The following PTPRD variants were observed in gnomAD, a reference collection of about 807,000 sequenced individuals.
PTPRD encodes receptor-type tyrosine-protein phosphatase delta.
PTPRD carries 34 observed loss-of-function variants against 214.5 expected under a neutral mutation model. That is an observed-to-expected ratio of 0.16 (90% CI 0.12 to 0.21). The LOEUF (loss-of-function observed/expected upper bound fraction) is 0.21. PTPRD is among the 10% of genes least tolerant of loss of function. The pLI is 1.00. For missense variants in PTPRD, 2,545 were observed against 2,398.7 expected, an observed-to-expected ratio of 1.06 and a Z score of -1.27; for synonymous variants, 1,128 against 845.7, an observed-to-expected ratio of 1.33 and a Z score of -5.79.
chr9:8,626,459 C>A (rs1023418311), intron 14 of PTPRD, among the ~76,000 whole-genome samples: 4 of 151,718 alleles, frequency 2.6e-5, no homozygotes, highest in Non-Finnish European at 4.4e-5. Flanking sequence ...TTGTTTATAC[C>A]CACCTGTAAT....
intron 3 of PTPRD, among the ~76,000 whole-genome samples, chr9:10,337,858 T>C (rs1461992789): frequency 1.3e-5 from 2 of 151,752 alleles, no homozygotes; most frequent in African/African-American, 4.8e-5. Context: ...TAACATTTTT[T>C]TCAGAATCCA....
At chr9:10,488,193 C>T (rs553052769) in intron 2 of PTPRD, among the ~76,000 whole-genome samples, 74 of 151,904 alleles carry the variant, frequency 4.9e-4, no homozygotes, top group Non-Finnish European at 8.8e-4. Flanking sequence ...CGATGAAACC[C>T]CATCTCTACT....
intron 5 of PTPRD, among the ~76,000 whole-genome samples, chr9:9,807,854 A>G (rs2045924084): frequency 6.6e-6 from 1 of 152,152 alleles, no homozygotes; most frequent in Non-Finnish European, 1.5e-5. Flanking sequence ...TCCAAAACAG[A>G]TGATTCTGAT....
chr9:8,698,315 G>A (rs974531027), intron 12 of PTPRD, among the ~76,000 whole-genome samples: 4 of 152,120 alleles, frequency 2.6e-5, no homozygotes, highest in African/African-American at 9.7e-5. Context: ...TGAAAATGCT[G>A]GTGAAAATCA....
At chr9:9,874,581 T>A (rs1010195244) in intron 5 of PTPRD, among the ~76,000 whole-genome samples, 3 of 152,174 alleles carry the variant, frequency 2.0e-5, no homozygotes, top group African/African-American at 7.2e-5. Flanking sequence ...GGAAAGAAAA[T>A]GAACTCAACT....
At chr9:8,407,072 CAT>C (rs1261437750) in intron 35 of PTPRD, among the ~76,000 whole-genome samples, 4 of 152,308 alleles carry the variant, frequency 2.6e-5, no homozygotes, top group South Asian at 2.1e-4. Flanking sequence ...ACTCTTGCCA[CAT>C]GTTTTCAGCC....
At chr9:9,941,388 T>A (rs2091411309) in intron 4 of PTPRD, among the ~76,000 whole-genome samples, 1 of 152,318 alleles carries the variant, frequency 6.6e-6, no homozygotes, top group East Asian at 1.9e-4. Flanking sequence ...AGTGGCATGA[T>A]CTCAGCTCGC....
Position 8,641,108 on chromosome 9 carries a change from G to A in PTPRD, c.65-4264C>T, listed in dbSNP as rs549211186. On this transcript the variant is annotated intron_variant, in intron 12 of 45. Transcript: ENST00000381196. ...TTTAATAAAAGGAACATGATGAATC[G>A]TCTGCCTTATTTTGTCATAGATATT... Among the ~76,000 whole-genome samples the A allele has an allele frequency of 2.4e-4, 36 of 148,440 alleles. 6 individuals are homozygous for A. The highest frequency in any genetic ancestry group is 1.5e-3 in the South Asian group (7 of 4,814).
intron 8 of PTPRD, among the ~76,000 whole-genome samples, chr9:9,492,244 A>G (rs2095942106): frequency 6.6e-6 from 1 of 151,688 alleles, no homozygotes; most frequent in African/African-American, 2.4e-5. Context: ...GATTGTATCA[A>G]TAATAAAAAA....
chr9:8,810,896 C>T (rs2096788925), intron 11 of PTPRD, among the ~76,000 whole-genome samples: 1 of 152,148 alleles, frequency 6.6e-6, no homozygotes, highest in Non-Finnish European at 1.5e-5. Flanking sequence ...CCTCCAAGCC[C>T]CTTTCCCTTG....
chr9:9,731,196 G>C (rs1392158393), intron 7 of PTPRD, among the ~76,000 whole-genome samples: 1 of 151,898 alleles, frequency 6.6e-6, no homozygotes, highest in Non-Finnish European at 1.5e-5. Flanking sequence ...TTTTTTACTT[G>C]AGAATTATAT....
intron 9 of PTPRD, among the ~76,000 whole-genome samples, chr9:9,361,829 A>G (rs1321767330): frequency 2.0e-5 from 3 of 151,084 alleles, no homozygotes; most frequent in African/African-American, 4.8e-5. Context: ...ATTCAATTAA[A>G]TATTATACAA....
At chr9:8,844,217 A>T (rs1346874353) in intron 11 of PTPRD, among the ~76,000 whole-genome samples, 1 of 152,178 alleles carries the variant, frequency 6.6e-6, no homozygotes, top group Non-Finnish European at 1.5e-5. Context: ...ACAATCTTTT[A>T]TCTATGGATT....
At chr9:9,260,958 T>C (rs1377034386) in intron 9 of PTPRD, among the ~76,000 whole-genome samples, 1 of 151,902 alleles carries the variant, frequency 6.6e-6, no homozygotes, top group Non-Finnish European at 1.5e-5. Flanking sequence ...TCTTTGGTAT[T>C]TTCTCGCAAT....
intron 43 of PTPRD, among the ~76,000 whole-genome samples, chr9:8,338,085 CCTAAG>C (rs1181421712): frequency 2.0e-5 from 3 of 151,994 alleles, no homozygotes; most frequent in Non-Finnish European, 4.4e-5. Flanking sequence ...AATCTCCAAA[CCTAAG>C]TTTGGAGAAA....
intron 2 of PTPRD, among the ~76,000 whole-genome samples, chr9:10,528,645 C>G (rs1279777277): frequency 6.6e-6 from 1 of 152,152 alleles, no homozygotes; most frequent in Admixed American, 6.6e-5. Flanking sequence ...ACCTAAATGG[C>G]ATGCACATAA....
At chr9:9,127,560 G>C (rs550303873) in intron 10 of PTPRD, among the ~76,000 whole-genome samples, 84 of 152,234 alleles carry the variant, frequency 5.5e-4, no homozygotes, top group Non-Finnish European at 1.8e-4. Context: ...AATGATAATG[G>C]ATGTCTATTC....
At chr9:8,740,623 T>C (rs1198080232) in intron 11 of PTPRD, among the ~76,000 whole-genome samples, 2 of 152,084 alleles carry the variant, frequency 1.3e-5, no homozygotes, top group Admixed American at 6.5e-5. Flanking sequence ...AACCTAAAAA[T>C]ATAAGAAATT....
chr9:10,024,155 AG>A lies in PTPRD; in HGVS notation c.-472+9562del, dbSNP rs1483371209. ...TTTAATGTGGGATAACAAATGTTTCAGTAATGTATAATTTAATTATGATAAG... is the reference window on the plus strand; with the variant it reads ...TTTAATGTGGGATAACAAATGTTTCATAATGTATAATTTAATTATGATAAG... On this transcript the variant is annotated intron_variant, in intron 4 of 45. Coordinates refer to ENST00000381196, the MANE Select transcript of PTPRD (RefSeq NM_002839.4). Among the ~76,000 whole-genome samples, 3 of 152,146 alleles carry A rather than the reference AG, an allele frequency of 2.0e-5. No individual in the cohort carries two copies. The East Asian group carries it at 5.8e-4, about 29-fold the overall frequency.
Sources: allele counts gnomAD v4.1 joint callset (sites outside exome capture counted in the v4.1 genomes callset), GRCh38; gene constraint gnomAD v4.1.1; transcripts MANE v1.5; gene names NCBI Gene and HGNC (gene_info 2026-07-23, HGNC 2026-07-21).